The following PRDM6 variants were observed in gnomAD, a reference collection of about 807,000 sequenced individuals.
PRDM6 encodes the protein PR/SET domain 6.
Under a neutral mutation model 60.8 loss-of-function variants are expected in PRDM6, and 25 were observed. The observed-to-expected ratio is 0.41, with a 90% CI of 0.30 to 0.57. PRDM6 has a LOEUF of 0.57. Among genes scored for constraint, PRDM6 ranks in the 20% least tolerant of loss-of-function variants. PRDM6 has a pLI of 0.27. For missense variants in PRDM6, 839 were observed against 821.3 expected (o/e 1.02, Z -0.26); for synonymous variants, 407 against 357.4 (o/e 1.14, Z -1.57).
chr5:123,181,194 C>T (rs183750562), intron 7 of PRDM6, among the ~76,000 whole-genome samples: 1 of 152,178 alleles, frequency 6.6e-6, no homozygotes, highest in Non-Finnish European at 1.5e-5. Context: ...ACAAGAGATA[C>T]AAAGGTGAAT....
At position 123,155,987 on chromosome 5, in the gene PRDM6, A is replaced by C; in HGVS notation, c.1004A>C (p.Gln335Pro). The C allele has an allele frequency of 6.4e-7, 1 of 1,551,736 alleles. No individual in the cohort carries two copies. The highest frequency in any genetic ancestry group is 8.7e-7 in the Non-Finnish European group (1 of 1,146,894). The change falls in exon 4 of 8, where the codon CAG (glutamine) becomes CCG (proline). Residue 335 changes from glutamine (Q) to proline (P), a missense_variant. This residue lies in a region of PRDM6 where 730 missense variants were observed against 648.8 expected (regional missense o/e 1.13). Transcript: ENST00000407847. ...CGATGTGCAAGGCACTGCGGAGAAC[A>C]GAATCTAACAGTAGTTCAGTACAGG... ...YIRCARHCGEQNLTVVQYRSN... is the reference protein window; with the variant it reads ...YIRCARHCGEPNLTVVQYRSN...
chr5:123,186,182 C>A (rs1215510042), intron 7 of PRDM6, among the ~76,000 whole-genome samples: 1 of 152,168 alleles, frequency 6.6e-6, no homozygotes, highest in Non-Finnish European at 1.5e-5. Flanking sequence ...TGTATTTACA[C>A]ACACAATCAC....
At chr5:123,165,668 T>C (rs1364099852) in intron 5 of PRDM6, among the ~76,000 whole-genome samples, 1 of 152,244 alleles carries the variant, frequency 6.6e-6, no homozygotes, top group African/African-American at 2.4e-5. Flanking sequence ...ATCAGTAATG[T>C]TGGCAGATTC....
intron 3 of PRDM6, among the ~76,000 whole-genome samples, chr5:123,101,367 A>G (rs977106455): frequency 1.3e-5 from 2 of 152,140 alleles, no homozygotes; most frequent in Admixed American, 1.3e-4. Context: ...AAGCCAATGA[A>G]CTACCTACCC....
Position 123,124,635 on chromosome 5 carries a change from G to A in PRDM6, c.900+24674G>A, listed in dbSNP as rs578079788. On this transcript the variant is annotated intron_variant, in intron 3 of 7. Transcript: ENST00000407847. ...CTTGATTTAGGTGGGACAGGGATCA[G>A]GGATTAAAATGGCTCTTCCCAAGAG... Among the ~76,000 whole-genome samples the A allele has an allele frequency of 2.0e-5, 3 of 152,282 alleles. No individual in the cohort carries two copies. In the East Asian group the frequency reaches 5.8e-4, roughly 29 times the overall value.
At chr5:123,128,620 G>GT (rs1251552778) in intron 3 of PRDM6, among the ~76,000 whole-genome samples, 5 of 152,112 alleles carry the variant, frequency 3.3e-5, no homozygotes, top group African/African-American at 1.2e-4. Context: ...GGGATTGTTT[G>GT]TTTTTTTCTT....
intron 4 of PRDM6, among the ~76,000 whole-genome samples, chr5:123,157,761 G>C (rs1402671050): frequency 6.6e-6 from 1 of 152,174 alleles, no homozygotes; most frequent in Non-Finnish European, 1.5e-5. Context: ...AATTCATTCT[G>C]TTATGATTTG....
chr5:123,090,088 A>G lies in PRDM6; in HGVS notation c.74A>G (p.Gln25Arg). The G allele has an allele frequency of 6.5e-7, 1 of 1,547,062 alleles. No homozygotes were observed. Among genetic ancestry groups the G allele is most frequent in the South Asian group, 1.2e-5 (1 of 83,992 alleles). Residue 25 changes from glutamine (Q) to arginine (R), a missense_variant, in exon 2 of 8, where the codon CAA becomes CGA. Coordinates refer to ENST00000407847, the MANE Select transcript of PRDM6 (RefSeq NM_001136239.4). ...CCAGCCTACCTGCAGCACTGGCAGC[A>G]ACTCTTCCCTCACGGAGGCGCAGGC... is the stretch of plus-strand genomic sequence containing the variant. ...VDPAYLQHWQQLFPHGGAGPL... is the reference protein window; with the variant it reads ...VDPAYLQHWQRLFPHGGAGPL...
intron 2 of PRDM6, among the ~76,000 whole-genome samples, chr5:123,098,708 T>A (rs1764020304): frequency 6.6e-6 from 1 of 152,194 alleles, no homozygotes; most frequent in Non-Finnish European, 1.5e-5. Context: ...AGAACAGCCG[T>A]CGGGGCAGGA....
chr5:123,096,785 A>G (rs1048831068), intron 2 of PRDM6, among the ~76,000 whole-genome samples: 1 of 152,256 alleles, frequency 6.6e-6, no homozygotes, highest in Non-Finnish European at 1.5e-5. Context: ...TGAAACAATA[A>G]GTTGAAGACG....
intron 3 of PRDM6, among the ~76,000 whole-genome samples, chr5:123,102,103 T>A (rs756827730): frequency 6.6e-6 from 1 of 152,166 alleles, no homozygotes; most frequent in Non-Finnish European, 1.5e-5. Flanking sequence ...TAATTATCTG[T>A]AACAACAGTT....
intron 7 of PRDM6, among the ~76,000 whole-genome samples, chr5:123,184,777 A>G (rs918917058): frequency 2.6e-5 from 4 of 152,242 alleles, no homozygotes; most frequent in African/African-American, 9.6e-5. Flanking sequence ...TTTTTAAAAA[A>G]TATTTTTATA....
At chr5:123,181,782 C>T (rs933990412) in intron 7 of PRDM6, among the ~76,000 whole-genome samples, 9 of 152,150 alleles carry the variant, frequency 5.9e-5, no homozygotes, top group South Asian at 4.1e-4. Context: ...GCTGTCGTGG[C>T]GCACTTTGTG....
chr5:123,160,525 A>G (rs1048738130), intron 5 of PRDM6, among the ~76,000 whole-genome samples: 3 of 152,222 alleles, frequency 2.0e-5, no homozygotes, highest in Non-Finnish European at 2.9e-5. Context: ...ATGGATAAGA[A>G]ACTTCATTTT....
At chr5:123,183,045 T>C (rs928730365) in intron 7 of PRDM6, among the ~76,000 whole-genome samples, 12 of 152,242 alleles carry the variant, frequency 7.9e-5, no homozygotes, top group African/African-American at 2.9e-4. Context: ...TATGAAGATA[T>C]CCTTTTACAA....
chr5:123,090,013 A>T lies in PRDM6; in HGVS notation c.-2A>T, dbSNP rs1763772071. 1.3e-6 allele frequency: 2 copies of T among 1,546,216 alleles called. No homozygotes were observed. Among genetic ancestry groups the T allele is most frequent in the East Asian group, 2.5e-5 (1 of 40,330 alleles). Reference sequence around the variant, plus strand: ...CTCTGCCCCCAGTTCGAGGCGCCGGACATGCTGAAGCCCGGAGACCCCGGC... The same window carrying T: ...CTCTGCCCCCAGTTCGAGGCGCCGGTCATGCTGAAGCCCGGAGACCCCGGC... On this transcript the variant is annotated 5_prime_UTR_variant, in exon 2 of 8. Transcript: ENST00000407847.
In PRDM6 at chr5:123,158,091, C is replaced by T. The variant is rs530583561; in HGVS notation, c.1029-1423C>T. ...ATTTTTTTCCGCCTTTCGGCCTATT[C>T]GGTGCCTCAGAAGACCACCCATTGC... On this transcript the variant is annotated intron_variant, in intron 4 of 7. Coordinates refer to ENST00000407847, the MANE Select transcript of PRDM6 (RefSeq NM_001136239.4). 2.6e-3 allele frequency among the ~76,000 whole-genome samples: 395 copies of T among 152,310 alleles called. 1 individual carries two copies. Among genetic ancestry groups the T allele is most frequent in the African/African-American group, 8.7e-3 (363 of 41,568 alleles).
intron 3 of PRDM6, among the ~76,000 whole-genome samples, chr5:123,104,292 A>AT (rs1400022370): frequency 6.6e-6 from 1 of 152,126 alleles, no homozygotes; most frequent in Admixed American, 6.6e-5. Flanking sequence ...AATTGATTTC[A>AT]TATTTTAAAT....
Position 123,090,123 on chromosome 5 carries a change from G to A in PRDM6, c.109G>A (p.Gly37Ser), listed in dbSNP as rs1196309773. ...TCACGGAGGCGCAGGCCCGCTCAAG[G>A]GCAGCGGCGCCGCGGGTCTCCTGAG... is the stretch of plus-strand genomic sequence containing the variant. ...FPHGGAGPLKGSGAAGLLSAP... is the reference protein window; with the variant it reads ...FPHGGAGPLKSSGAAGLLSAP... The change falls in exon 2 of 8, where the codon GGC (glycine) becomes AGC (serine). Residue 37 changes from glycine to serine, a missense_variant. By Grantham distance (56) the Gly-to-Ser change is moderately conservative. Around this residue, in one of 2 missense-constraint regions of PRDM6, gnomAD observed 730 missense variants for 648.8 expected, o/e 1.13. Coordinates refer to ENST00000407847, the MANE Select transcript of PRDM6 (RefSeq NM_001136239.4). The A allele has an allele frequency of 6.5e-7, 1 of 1,539,750 alleles. No homozygotes were observed. Among genetic ancestry groups the A allele is most frequent in the Non-Finnish European group, 8.8e-7 (1 of 1,142,700 alleles).
Sources: gnomAD v4.1 joint callset for allele counts (sites outside exome capture counted in the v4.1 genomes callset) on GRCh38, gnomAD v4.1.1 for gene constraint, gnomAD v4.1.1 regional missense constraint, MANE v1.5 for transcripts, NCBI Gene and HGNC (gene_info 2026-07-23, HGNC 2026-07-21) for gene names.